The following ITGB2 variants were observed in gnomAD, a reference collection of about 807,000 sequenced individuals.
ITGB2 encodes integrin subunit beta 2, also known as integrin beta-2.
A neutral mutation model predicts 86.8 loss-of-function variants in ITGB2; 56 were observed. That is an observed-to-expected ratio of 0.65 (90% CI 0.52 to 0.81). ITGB2 has a LOEUF of 0.81. Ranked by LOEUF, ITGB2 falls within the 30% of genes least tolerant of loss-of-function variation. The pLI, the probability that ITGB2 is intolerant of heterozygous loss-of-function variation, is 0.00. For synonymous variants in ITGB2, 457 were observed against 450.4 expected (o/e 1.01, Z -0.19); for missense variants, 948 against 1,061.2 (o/e 0.89, Z 1.48).
In ITGB2 at chr21:44,889,992, A is replaced by T; in HGVS notation, c.1643T>A (p.Val548Asp). Residue 548 changes from valine to aspartate, a missense_variant, in exon 12 of 16, where the codon GTC becomes GAC. By Grantham distance (152) the Val-to-Asp change is radical (BLOSUM62 -3). Transcript: ENST00000652462. ...CACGGGCTCACCCGGGCCGCCGCAGACCTGGCCGTTGTAGCGCTCACAGTT... is the reference window on the plus strand; with the variant it reads ...CACGGGCTCACCCGGGCCGCCGCAGTCCTGGCCGTTGTAGCGCTCACAGTT... ...TINCERYNGQ[V>D]CGGPGRGLCF... 1 of 1,613,184 alleles carries T rather than the reference A, an allele frequency of 6.2e-7. No homozygotes were observed. Among genetic ancestry groups the T allele is most frequent in the Non-Finnish European group, 8.5e-7 (1 of 1,180,006 alleles).
intron 8 of ITGB2, among the ~76,000 whole-genome samples, chr21:44,895,548 A>C (rs937142716): frequency 1.3e-5 from 2 of 150,332 alleles, no homozygotes; most frequent in African/African-American, 4.9e-5. Flanking sequence ...AAAACAAAAC[A>C]AAAAAAACCC....
chr21:44,889,137 G>A lies in ITGB2; in HGVS notation c.1877+139C>T, dbSNP rs1428286699. On this transcript the variant is annotated intron_variant, in intron 13 of 15. Transcript: ENST00000652462. Reference sequence around the variant, plus strand: ...CACAGGGGCACGGCGGCCGCGGAGGGCCCCTCAGTCCAGACGCACCCGCAG... The same window carrying A: ...CACAGGGGCACGGCGGCCGCGGAGGACCCCTCAGTCCAGACGCACCCGCAG... 6.0e-6 allele frequency: 5 copies of A among 830,822 alleles called. No individual in the cohort carries two copies. In the Admixed American group the frequency reaches 8.5e-5, roughly 14 times the overall value. The allele number at this position is 830,822 out of a possible 1,614,324, so 51.5% of individuals were successfully genotyped here.
intron 1 of ITGB2, among the ~76,000 whole-genome samples, chr21:44,926,600 G>A (rs867933536): frequency 4.6e-5 from 7 of 152,238 alleles, no homozygotes; most frequent in African/African-American, 1.2e-4. Flanking sequence ...TGAGGAGTCC[G>A]TCCCTAAGAG....
At chr21:44,900,285 C>G (rs1387727602) in intron 7 of ITGB2, 35 bp downstream of exon 7, 2 of 1,613,898 alleles carry the variant, frequency 1.2e-6, no homozygotes, top group Non-Finnish European at 1.7e-6. Flanking sequence ...GGTGTCCTGC[C>G]AGGCGGTGCC....
chr21:44,918,974 T>TCTCCCAGCACTCGGAGCTGAGCGTCCCCC, intron 1 of ITGB2, among the ~76,000 whole-genome samples: 1 of 152,110 alleles, frequency 6.6e-6, no homozygotes, highest in African/African-American at 2.4e-5. Flanking sequence ...GAGCGTCCCC[T>TCTCCCAGCACTCGGAGCTGAGCGTCCCCC]CTCCCAGCAC....
At chr21:44,899,014 G>T in intron 8 of ITGB2, 53 bp downstream of exon 8, 1 of 1,425,220 alleles carries the variant, frequency 7.0e-7, no homozygotes, top group Non-Finnish European at 9.9e-7. Context: ...GGTCTGGCCT[G>T]TGGCTGAAAC....
At chr21:44,905,787 C>T (rs2084033735) in intron 4 of ITGB2, among the ~76,000 whole-genome samples, 1 of 152,176 alleles carries the variant, frequency 6.6e-6, no homozygotes, top group Non-Finnish European at 1.5e-5. Flanking sequence ...TGGCTCGGCC[C>T]CATCCCTCAC....
chr21:44,907,599 C>T (rs962484082), intron 3 of ITGB2, among the ~76,000 whole-genome samples: 6 of 152,260 alleles, frequency 3.9e-5, no homozygotes, highest in Admixed American at 2.6e-4. Flanking sequence ...GGGCCCAGGG[C>T]GCTTTCCTCT....
At chr21:44,906,863 G>A (rs752395611) in intron 4 of ITGB2, 52 bp downstream of exon 4, 114 of 1,598,954 alleles carry the variant, frequency 7.1e-5, no homozygotes, top group Admixed American at 1.5e-4. Context: ...CCCAGCCAGA[G>A]CCAATAACCA....
intron 7 of ITGB2, 45 bp downstream of exon 7, chr21:44,900,275 G>A: frequency 1.2e-6 from 2 of 1,612,480 alleles, no homozygotes; most frequent in Non-Finnish European, 1.7e-6. Context: ...CTCCGTCAGT[G>A]GTGTCCTGCC....
intron 8 of ITGB2, among the ~76,000 whole-genome samples, chr21:44,898,201 C>A (rs542990582): frequency 1.8e-4 from 28 of 152,256 alleles, no homozygotes; most frequent in South Asian, 1.0e-3. Flanking sequence ...GTGACTGACC[C>A]CCAGTAGACA....
chr21:44,919,635 C>T (rs1250076837), intron 1 of ITGB2, among the ~76,000 whole-genome samples: 6 of 152,308 alleles, frequency 3.9e-5, no homozygotes, highest in South Asian at 2.1e-4. Flanking sequence ...ACGGGGAAGG[C>T]GAGTGACAGC....
At chr21:44,899,199 C>A in intron 7 of ITGB2, 37 bp from the exon 8 acceptor site, 1 of 1,504,916 alleles carries the variant, frequency 6.6e-7, no homozygotes, top group South Asian at 1.1e-5. Context: ...GGCCCCGAGT[C>A]CAGGACAAGG....
At chr21:44,910,023 T>G (rs909084583) in intron 3 of ITGB2, among the ~76,000 whole-genome samples, 2 of 152,200 alleles carry the variant, frequency 1.3e-5, no homozygotes, top group African/African-American at 4.8e-5. Context: ...CTTGAAGTAC[T>G]AAGAGACAAA....
chr21:44,910,171 C>G, intron 3 of ITGB2, 113 bp downstream of exon 3: 1 of 1,400,500 alleles, frequency 7.1e-7, no homozygotes, highest in Non-Finnish European at 9.7e-7. Flanking sequence ...TCTGGGGACC[C>G]CCTCAAAAAG....
rs367757540 is a variant in ITGB2, at chr21:44,889,356, G to A, written c.1797C>T (p.Asn599=). The change falls in exon 13 of 16, where the codon AAC becomes AAT. Residue 599 remains asparagine (N), a synonymous_variant. Transcript: ENST00000652462. ...ECSGRGRCRC[N]VCECHSGYQL... is the part of the protein sequence containing the mutation. Reference sequence around the variant, plus strand: ...GGTAGCCTGAATGGCACTCGCATACGTTGCAGCGGCACCGGCCACGACCAC... The same window carrying A: ...GGTAGCCTGAATGGCACTCGCATACATTGCAGCGGCACCGGCCACGACCAC... The A allele has an allele frequency of 5.9e-5, 95 of 1,612,780 alleles. No homozygotes were observed. Among genetic ancestry groups the A allele is most frequent in the Middle Eastern group, 4.9e-4 (3 of 6,084 alleles).
At chr21:44,927,601 T>C (rs1325643586) in intron 1 of ITGB2, 1 of 152,308 alleles carries the variant, frequency 6.6e-6, no homozygotes, top group Admixed American at 6.5e-5. Flanking sequence ...GCCTTTTTTT[T>C]TCTTTTTCAC....
intron 1 of ITGB2, among the ~76,000 whole-genome samples, chr21:44,918,618 C>T (rs2146562474): frequency 6.6e-6 from 1 of 152,370 alleles, no homozygotes; most frequent in Non-Finnish European, 1.5e-5. Flanking sequence ...TCCTGGATGG[C>T]CGCGGCCCCT....
At chr21:44,899,452 C>T (rs907083843) in intron 7 of ITGB2, among the ~76,000 whole-genome samples, 1 of 152,238 alleles carries the variant, frequency 6.6e-6, no homozygotes, top group African/African-American at 2.4e-5. Context: ...GCCTTCCCCA[C>T]ACGGTGGACC....
Sources: gnomAD v4.1 joint callset for allele counts (sites outside exome capture counted in the v4.1 genomes callset) on GRCh38, gnomAD v4.1.1 for gene constraint, MANE v1.5 for transcripts, NCBI Gene and HGNC (gene_info 2026-07-23, HGNC 2026-07-21) for gene names.